GPR161: variants seen among roughly 807,000 people sequenced by gnomAD.
GPR161 encodes the protein G-protein coupled receptor RE2.
A neutral mutation model predicts 39.2 loss-of-function variants in GPR161; 25 were observed. The ratio of observed to expected loss-of-function variants is 0.64; its 90% CI spans 0.47 to 0.89. The LOEUF is 0.89. GPR161 is among the 40% of genes least tolerant of loss of function. GPR161 has a pLI of 0.00. For missense variants in GPR161, 547 were observed against 677.8 expected (o/e 0.81, Z 2.14); for synonymous variants, 286 against 276.6 (o/e 1.03, Z -0.34).
At chr1:168,103,585 G>C (rs1279933193) in intron 2 of GPR161, among the ~76,000 whole-genome samples, 1 of 152,126 alleles carries the variant, frequency 6.6e-6, no homozygotes, top group Non-Finnish European at 1.5e-5. Context: ...CTCATCGACT[G>C]AAAAACTGAC....
intron 1 of GPR161, among the ~76,000 whole-genome samples, chr1:168,110,320 GT>G (rs1697006777): frequency 6.6e-6 from 1 of 151,634 alleles, no homozygotes; most frequent in African/African-American, 2.4e-5. Flanking sequence ...CCAGGGAAAT[GT>G]GGTGAAACCT....
At chr1:168,136,974 G>A (rs1450464225), upstream of GPR161, 7 of 488,802 alleles carry the variant, frequency 1.4e-5, no homozygotes, top group Middle Eastern at 1.0e-3. Context: ...CCCACGCCCG[G>A]CCGGGCCCCT....
At chr1:168,119,234 A>ATATACG (rs1168747648) in intron 1 of GPR161, among the ~76,000 whole-genome samples, 3 of 120,162 alleles carry the variant, frequency 2.5e-5, no homozygotes, top group Admixed American at 8.1e-5. Flanking sequence ...ATACGTATAT[A>ATATACG]TATATATACA....
upstream of GPR161, chr1:168,137,244 C>T: frequency 6.7e-7 from 1 of 1,483,326 alleles, no homozygotes; most frequent in Non-Finnish European, 8.9e-7. Flanking sequence ...TTCCTCCGCC[C>T]CAGTTCCAGC....
At chr1:168,133,564 C>T (rs1419122714) in intron 1 of GPR161, among the ~76,000 whole-genome samples, 1 of 152,224 alleles carries the variant, frequency 6.6e-6, no homozygotes, top group Non-Finnish European at 1.5e-5. Flanking sequence ...TATTGAATGA[C>T]TTCTAAGTCA....
intron 1 of GPR161, among the ~76,000 whole-genome samples, chr1:168,112,445 A>C (rs898977278): frequency 9.1e-5 from 12 of 131,208 alleles, no homozygotes; most frequent in African/African-American, 3.2e-4. Flanking sequence ...GCGCCACTAC[A>C]CTCCAGCCTG....
At chr1:168,137,218 G>A, upstream of GPR161, 1 of 1,461,976 alleles carries the variant, frequency 6.8e-7, no homozygotes, top group East Asian at 2.5e-5. Flanking sequence ...CCTAACTCAG[G>A]CCTTCCCTGT....
chr1:168,101,039 T>C (rs1696046118), intron 2 of GPR161, among the ~76,000 whole-genome samples: 1 of 152,146 alleles, frequency 6.6e-6, no homozygotes, highest in Non-Finnish European at 1.5e-5. Flanking sequence ...ATTCTTTTTA[T>C]ATCTGTCTTT....
At position 168,106,345 on chromosome 1, in the gene GPR161, G is replaced by A. The variant is rs544278410; in HGVS notation, c.-44-1451C>T. 4.6e-5 allele frequency among the ~76,000 whole-genome samples: 7 copies of A among 152,346 alleles called. No homozygotes were observed. In the East Asian group the frequency reaches 1.3e-3, roughly 29 times the overall value. ...CTCACACCGGTAATCCCAGCACTTT[G>A]GGAGGCCCATGTGGGCAGACTGCTT... On this transcript the variant is annotated intron_variant, in intron 1 of 5. Coordinates refer to ENST00000682931, the MANE Select transcript of GPR161 (RefSeq NM_001375883.1).
At chr1:168,118,903 G>T (rs1697859270) in intron 1 of GPR161, among the ~76,000 whole-genome samples, 1 of 151,860 alleles carries the variant, frequency 6.6e-6, no homozygotes, top group Admixed American at 6.6e-5. Context: ...AGATATCCAG[G>T]ATGGCTACTA....
At position 168,104,703 on chromosome 1, in the gene GPR161, C is replaced by T. The variant is rs1696430236; in HGVS notation, c.148G>A (p.Val50Ile). 6.2e-7 allele frequency: 1 copy of T among 1,613,740 alleles called. No individual in the cohort carries two copies. Among genetic ancestry groups the T allele is most frequent in the Admixed American group, 1.7e-5 (1 of 59,988 alleles). ...FVCLGNLVIV[V>I]TLYKKSYLLT... ...AGGTAGGACTTCTTGTACAAGGTGA[C>T]CACGATGACCAGGTTTCCCAGGCAG... is the stretch of plus-strand genomic sequence containing the variant. Residue 50 changes from valine (V) to isoleucine (I), a missense_variant, in exon 2 of 6, where the codon GTC becomes ATC. Val to Ile is a conservative substitution (Grantham distance 29, BLOSUM62 3). Coordinates refer to ENST00000682931, the MANE Select transcript of GPR161 (RefSeq NM_001375883.1).
In GPR161 at chr1:168,125,727, C is replaced by T. The variant is rs544380749; in HGVS notation, c.-45+11012G>A. 3.3e-5 allele frequency among the ~76,000 whole-genome samples: 5 copies of T among 151,284 alleles called. No individual in the cohort carries two copies. The South Asian group carries it at 1.1e-3, about 32-fold the overall frequency. ...CCACCTCCCGGGTTCAAATGATTCT[C>T]CTGCCTCAGCCTCCTGAGTAGCCAG... On this transcript the variant is annotated intron_variant, in intron 1 of 5. Transcript: ENST00000682931.
chr1:168,103,482 G>T (rs1247888836), intron 2 of GPR161, among the ~76,000 whole-genome samples: 5 of 151,916 alleles, frequency 3.3e-5, no homozygotes, highest in African/African-American at 1.2e-4. Context: ...GGCTTCATTG[G>T]TTCTGCCTCC....
intron 2 of GPR161, among the ~76,000 whole-genome samples, chr1:168,103,828 A>G (rs1443397874): frequency 2.6e-5 from 4 of 152,238 alleles, no homozygotes; most frequent in African/African-American, 7.2e-5. Flanking sequence ...ACTCGCTGCC[A>G]AAGCCCACAA....
intron 5 of GPR161, among the ~76,000 whole-genome samples, chr1:168,086,731 T>C (rs1694538306): frequency 6.6e-6 from 1 of 152,210 alleles, no homozygotes; most frequent in Non-Finnish European, 1.5e-5. Context: ...ATAAAGCCCA[T>C]GAGGCTGCTG....
At chr1:168,100,531 G>A (rs112377821) in intron 2 of GPR161, among the ~76,000 whole-genome samples, 232 of 152,238 alleles carry the variant, frequency 1.5e-3, no homozygotes, top group African/African-American at 5.3e-3. Context: ...CTTTCATGAC[G>A]TCACAGGTAA....
intron 1 of GPR161, among the ~76,000 whole-genome samples, chr1:168,111,145 G>A (rs1416966364): frequency 3.9e-5 from 6 of 152,176 alleles, no homozygotes; most frequent in Admixed American, 1.3e-4. Flanking sequence ...AAAATCCAAC[G>A]TATGTCCAAC....
In GPR161 at chr1:168,096,781, G is replaced by C. The variant is rs1238362771; in HGVS notation, c.826C>G (p.Leu276Val). 1 of 1,613,948 alleles carries C rather than the reference G, an allele frequency of 6.2e-7. No individual in the cohort carries two copies. Among genetic ancestry groups the C allele is most frequent in the African/African-American group, 1.3e-5 (1 of 74,888 alleles). Residue 276 changes from leucine to valine, a missense_variant, in exon 3 of 6, where the codon CTC becomes GTC. Transcript: ENST00000682931. ...CKALITILVV[L>V]GAFMVTWGPY... ...CCCCAGGTGACCATGAAGGCACCGAGGACCACCAGGATGGTGATGAGGGCT... is the reference window on the plus strand; with the variant it reads ...CCCCAGGTGACCATGAAGGCACCGACGACCACCAGGATGGTGATGAGGGCT...
chr1:168,092,744 G>A (rs923542582), intron 3 of GPR161, among the ~76,000 whole-genome samples: 3 of 152,196 alleles, frequency 2.0e-5, no homozygotes, highest in Non-Finnish European at 4.4e-5. Flanking sequence ...GAAGGCAAGG[G>A]AGTAAATCCA....
Sources: allele counts gnomAD v4.1 joint callset (sites outside exome capture counted in the v4.1 genomes callset), GRCh38; gene constraint gnomAD v4.1.1; transcripts MANE v1.5; gene names NCBI Gene and HGNC (gene_info 2026-07-23, HGNC 2026-07-21).